HS6ST3: variants seen among roughly 807,000 people sequenced by gnomAD.
HS6ST3 encodes the protein heparan-sulfate 6-O-sulfotransferase 3.
A neutral mutation model predicts 36.7 loss-of-function variants in HS6ST3; 12 were observed. That is an observed-to-expected ratio of 0.33 (90% confidence interval 0.21 to 0.53). The LOEUF (loss-of-function observed/expected upper bound fraction) is 0.53, where lower values mean the gene tolerates loss of function less well. HS6ST3 is among the 20% of genes least tolerant of loss of function. The pLI, the probability that HS6ST3 is intolerant of heterozygous loss-of-function variation, is 0.95. For missense variants in HS6ST3, 584 were observed against 640.9 expected, an observed-to-expected ratio of 0.91 and a Z score of 0.96; for synonymous variants, 240 against 257.5, an observed-to-expected ratio of 0.93 and a Z score of 0.65.
chr13:96,820,439 G>A (rs1878508396), intron 1 of HS6ST3, among the ~76,000 whole-genome samples: 1 of 152,210 alleles, frequency 6.6e-6, no homozygotes, highest in Admixed American at 6.5e-5. Context: ...GAGTTTATGA[G>A]GCTCTAATAA....
chr13:96,265,542 A>G (rs2054688054), intron 1 of HS6ST3, among the ~76,000 whole-genome samples: 1 of 152,140 alleles, frequency 6.6e-6, no homozygotes, highest in Admixed American at 6.6e-5. Context: ...TATTTTATGT[A>G]GTGTGAAAAG....
chr13:96,091,017 C>T lies in HS6ST3; in HGVS notation c.155C>T (p.Pro52Leu), dbSNP rs779101559. ...GGGGAGGCCGGCCCGCCCGCCGTCC[C>T]GGGTCCCGCCCGCCGGGCTCAGGCG... ...RAGEAGPPAV[P>L]GPARRAQAPP... Residue 52 changes from proline (P) to leucine (L), a missense_variant, in exon 1 of 2, where the codon CCG (proline) becomes CTG (leucine). Transcript: ENST00000376705. The T allele has an allele frequency of 7.1e-6, 9 of 1,264,998 alleles. No individual in the cohort carries two copies. The highest frequency in any genetic ancestry group is 1.0e-6 in the Non-Finnish European group (1 of 1,002,724). The allele number at this position is 1,264,998 out of a possible 1,614,324, so 78.4% of individuals were successfully genotyped here. A position where few individuals can be genotyped will look rare whatever the true frequency, so the allele number is the denominator to read the frequency against.
In HS6ST3 at chr13:96,238,091, C is replaced by T. The variant is rs115786774; in HGVS notation, c.707+146522C>T. The stretch of plus-strand genomic sequence containing the variant: ...GGCACCTTGAATTCCATCCTCCAAA[C>T]CTGTTCCTCTCTCAGTCTTCCTTAT... On this transcript the variant is annotated intron_variant, in intron 1 of 1. Coordinates refer to ENST00000376705, the MANE Select transcript of HS6ST3 (RefSeq NM_153456.4). 2.6e-5 allele frequency among the ~76,000 whole-genome samples: 4 copies of T among 152,294 alleles called. No homozygotes were observed. The East Asian group carries it at 7.7e-4, about 29-fold the overall frequency.
chr13:96,667,744 C>CT (rs2056668748), intron 1 of HS6ST3, among the ~76,000 whole-genome samples: 1 of 152,020 alleles, frequency 6.6e-6, no homozygotes, highest in Non-Finnish European at 1.5e-5. Flanking sequence ...TGACTTTTTC[C>CT]TTTTTTGCAA....
At chr13:96,785,472 C>T (rs545101853) in intron 1 of HS6ST3, among the ~76,000 whole-genome samples, 2 of 152,294 alleles carry the variant, frequency 1.3e-5, no homozygotes, top group Non-Finnish European at 2.9e-5. Context: ...TGGTCATGAT[C>T]TCCCAAAATA....
intron 1 of HS6ST3, among the ~76,000 whole-genome samples, chr13:96,326,142 G>T (rs2055029708): frequency 6.7e-6 from 1 of 149,954 alleles, no homozygotes; most frequent in Admixed American, 6.7e-5. Context: ...GACATAATTT[G>T]AAACATCTGA....
At chr13:96,668,566 C>T (rs1455135016) in intron 1 of HS6ST3, among the ~76,000 whole-genome samples, 1 of 152,032 alleles carries the variant, frequency 6.6e-6, no homozygotes, top group African/African-American at 2.4e-5. Context: ...CATTCTATCC[C>T]ATTCCTGGCA....
chr13:96,469,933 C>T (rs1182267714), intron 1 of HS6ST3, among the ~76,000 whole-genome samples: 1 of 152,058 alleles, frequency 6.6e-6, no homozygotes, highest in Non-Finnish European at 1.5e-5. Flanking sequence ...ATTTTTCTGT[C>T]TCTAAAAACA....
intron 1 of HS6ST3, among the ~76,000 whole-genome samples, chr13:96,441,791 T>C (rs1353648126): frequency 6.6e-6 from 1 of 152,070 alleles, no homozygotes; most frequent in African/African-American, 2.4e-5. Context: ...ATTTTTAAGA[T>C]AGCTGTGAGA....
At chr13:96,614,954 T>G (rs1205515155) in intron 1 of HS6ST3, among the ~76,000 whole-genome samples, 1 of 152,150 alleles carries the variant, frequency 6.6e-6, no homozygotes, top group Non-Finnish European at 1.5e-5. Context: ...CTTTTAAAAC[T>G]TATCCAATCA....
intron 1 of HS6ST3, among the ~76,000 whole-genome samples, chr13:96,204,890 A>G (rs1435722209): frequency 6.6e-6 from 1 of 152,068 alleles, no homozygotes; most frequent in East Asian, 1.9e-4. Context: ...TCAAAAAGCT[A>G]GAAAGATCTT....
chr13:96,692,500 AT>A (rs1301473131), intron 1 of HS6ST3, among the ~76,000 whole-genome samples: 1 of 152,174 alleles, frequency 6.6e-6, no homozygotes, highest in Non-Finnish European at 1.5e-5. Context: ...CCAACTGTAT[AT>A]TCAAGGACAC....
At chr13:96,113,356 C>T (rs545496293) in intron 1 of HS6ST3, among the ~76,000 whole-genome samples, 1 of 152,214 alleles carries the variant, frequency 6.6e-6, no homozygotes, top group South Asian at 2.1e-4. Context: ...AAGCACACCC[C>T]TGCCCCCCAT....
intron 1 of HS6ST3, among the ~76,000 whole-genome samples, chr13:96,205,876 T>C (rs2054367543): frequency 6.6e-6 from 1 of 152,168 alleles, no homozygotes; most frequent in African/African-American, 2.4e-5. Flanking sequence ...GGGCAAAAGC[T>C]GGAAGCATTC....
chr13:96,732,337 A>T (rs1184845150), intron 1 of HS6ST3, among the ~76,000 whole-genome samples: 1 of 151,786 alleles, frequency 6.6e-6, no homozygotes, highest in Admixed American at 6.6e-5. Context: ...GCCATTTTTG[A>T]GTTGATTTTT....
chr13:96,234,276 G>A (rs1445952881), intron 1 of HS6ST3, among the ~76,000 whole-genome samples: 1 of 152,018 alleles, frequency 6.6e-6, no homozygotes, highest in African/African-American at 2.4e-5. Context: ...CGGGCATGGT[G>A]GCACGTGCCT....
At chr13:96,247,430 G>A (rs949954223) in intron 1 of HS6ST3, among the ~76,000 whole-genome samples, 1 of 152,054 alleles carries the variant, frequency 6.6e-6, no homozygotes, top group Non-Finnish European at 1.5e-5. Context: ...TAGTGAATGA[G>A]TTCTCATGAG....
intron 1 of HS6ST3, among the ~76,000 whole-genome samples, chr13:96,808,007 T>A (rs897978909): frequency 6.6e-6 from 1 of 152,188 alleles, no homozygotes; most frequent in Non-Finnish European, 1.5e-5. Context: ...CAAAAAGAAT[T>A]TCTTGTCTCA....
intron 1 of HS6ST3, among the ~76,000 whole-genome samples, chr13:96,234,648 T>G (rs1036678167): frequency 1.3e-5 from 2 of 152,064 alleles, no homozygotes; most frequent in Non-Finnish European, 2.9e-5. Context: ...TGAGACTTAC[T>G]ATCATGAGAA....
Sources: gnomAD v4.1 joint callset for allele counts (sites outside exome capture counted in the v4.1 genomes callset) on GRCh38, gnomAD v4.1.1 for gene constraint, MANE v1.5 for transcripts, NCBI Gene and HGNC (gene_info 2026-07-23, HGNC 2026-07-21) for gene names.